The following HYCC1 variants were observed in gnomAD, a reference collection of about 807,000 sequenced individuals.
HYCC1 encodes hyccin PI4KA lipid kinase complex subunit 1, also known as hyccin.
chr7:23,013,019 A>C, the HYCC1 span, among the ~76,000 whole-genome samples: 3 of 152,156 alleles, frequency 2.0e-5, no homozygotes, highest in Non-Finnish European at 4.4e-5. Context: ...CAGGCTTGTG[A>C]TAGTGTATTT....
At chr7:22,909,844 G>T in the HYCC1 span, among the ~76,000 whole-genome samples, 23 of 152,084 alleles carry the variant, frequency 1.5e-4, no homozygotes. Context: ...GACGAAATTA[G>T]TCATTCCCCA....
the HYCC1 span, chr7:22,938,221 C>T: frequency 6.6e-6 from 1 of 152,202 alleles, no homozygotes; most frequent in East Asian, 1.9e-4. Context: ...GAAGACAATT[C>T]CTACAGGTGA....
chr7:22,989,068 C>T, the HYCC1 span, among the ~76,000 whole-genome samples: 2 of 152,144 alleles, frequency 1.3e-5, no homozygotes, highest in Admixed American at 6.5e-5. Context: ...GATCTCACCC[C>T]TACAACCCAC....
the HYCC1 span, among the ~76,000 whole-genome samples, chr7:22,925,359 A>G: frequency 2.0e-5 from 3 of 152,224 alleles, no homozygotes; most frequent in Non-Finnish European, 4.4e-5. Context: ...TGAGAGAGGA[A>G]GGCTCCAGAA....
chr7:23,012,936 T>C, the HYCC1 span, among the ~76,000 whole-genome samples: 1 of 152,192 alleles, frequency 6.6e-6, no homozygotes, highest in African/African-American at 2.4e-5. Flanking sequence ...CTACTGCCTG[T>C]AGGGCAGTCT....
At chr7:22,978,341 A>C in the HYCC1 span, 1 of 1,614,116 alleles carries the variant, frequency 6.2e-7, no homozygotes, top group Non-Finnish European at 8.5e-7. Context: ...CTGAGACTGC[A>C]AGGTAGCACC....
the HYCC1 span, among the ~76,000 whole-genome samples, chr7:22,979,171 C>T: frequency 6.6e-6 from 1 of 152,150 alleles, no homozygotes; most frequent in Non-Finnish European, 1.5e-5. Context: ...AGATTTTCTA[C>T]AACCAATAAT....
chr7:22,904,489 C>A, the HYCC1 span, among the ~76,000 whole-genome samples: 1 of 151,138 alleles, frequency 6.6e-6, no homozygotes. Flanking sequence ...TAACCCATAG[C>A]ACTTATTCCT....
At chr7:22,897,004 C>T in the HYCC1 span, among the ~76,000 whole-genome samples, 647 of 152,010 alleles carry the variant, frequency 4.3e-3, 30 homozygotes, top group East Asian at 0.12. Context: ...CAAAGGTCAG[C>T]GGTTGGGGTG....
the HYCC1 span, among the ~76,000 whole-genome samples, chr7:22,947,911 G>A: frequency 6.6e-6 from 1 of 152,084 alleles, no homozygotes; most frequent in Non-Finnish European, 1.5e-5. Context: ...TAGTTAAGCA[G>A]TTGATTTATT....
chr7:22,961,396 T>C, the HYCC1 span: 11 of 842,408 alleles, frequency 1.3e-5, no homozygotes, highest in African/African-American at 1.6e-4. Context: ...AGAAACTATC[T>C]TTACTGAAGA....
chr7:22,923,903 T>C, the HYCC1 span, among the ~76,000 whole-genome samples: 1 of 147,270 alleles, frequency 6.8e-6, no homozygotes, highest in South Asian at 2.1e-4. Context: ...ATGCCTGTAA[T>C]CACAGCACTT....
At chr7:22,934,775 C>T in the HYCC1 span, 2 of 152,286 alleles carry the variant, frequency 1.3e-5, no homozygotes, top group South Asian at 4.2e-4. Flanking sequence ...TGAATTGTGA[C>T]AACAGGTGTG....
the HYCC1 span, among the ~76,000 whole-genome samples, chr7:22,953,279 C>T: frequency 6.6e-6 from 1 of 151,960 alleles, no homozygotes; most frequent in South Asian, 2.1e-4. Flanking sequence ...CCTGTAAAAG[C>T]TTATTTCTTC....
At chr7:22,926,903 C>A in the HYCC1 span, among the ~76,000 whole-genome samples, 2 of 151,620 alleles carry the variant, frequency 1.3e-5, no homozygotes, top group African/African-American at 4.8e-5. Context: ...CCACACCACA[C>A]CTACTCCAAA....
the HYCC1 span, among the ~76,000 whole-genome samples, chr7:22,974,209 T>G: frequency 6.6e-6 from 1 of 152,198 alleles, no homozygotes; most frequent in Admixed American, 6.6e-5. Flanking sequence ...CAAGGAAAGC[T>G]AAACTTATCC....
the HYCC1 span, among the ~76,000 whole-genome samples, chr7:22,972,401 C>T: frequency 1.3e-5 from 2 of 152,114 alleles, no homozygotes; most frequent in Non-Finnish European, 2.9e-5. Flanking sequence ...TATCCAGGTT[C>T]GTCAGTTAGA....
At chr7:22,961,179 T>C in the HYCC1 span, 14 of 1,142,652 alleles carry the variant, frequency 1.2e-5, no homozygotes, top group African/African-American at 1.8e-4. Context: ...CAATTTATAG[T>C]TCTAAATTGA....
chr7:22,947,179 T>C, the HYCC1 span: 4 of 1,550,210 alleles, frequency 2.6e-6, no homozygotes, highest in South Asian at 4.8e-5. Flanking sequence ...CCGGCCACAT[T>C]TGTGACACTA....
Sources: allele counts gnomAD v4.1 joint callset (sites outside exome capture counted in the v4.1 genomes callset), GRCh38; gene constraint gnomAD v4.1.1; transcripts MANE v1.5; gene names NCBI Gene and HGNC (gene_info 2026-07-23, HGNC 2026-07-21).